The following TENM3 variants were observed in gnomAD, a reference collection of about 807,000 sequenced individuals.
TENM3 encodes the protein teneurin-3.
A neutral mutation model predicts 255.1 loss-of-function variants in TENM3; 63 were observed. That is an observed-to-expected ratio of 0.25 (90% CI 0.20 to 0.30). The LOEUF is 0.30. TENM3 is among the 10% of genes least tolerant of loss of function. The pLI is 1.00. For synonymous variants in TENM3, 1,306 were observed against 1,322.3 expected (o/e 0.99, Z 0.27); for missense variants, 2,929 against 3,461.1 (o/e 0.85, Z 3.86).
the TENM3 span, among the ~76,000 whole-genome samples, chr4:181,723,422 A>C: frequency 0.049 from 7,373 of 151,376 alleles, 251 homozygotes; most frequent in Middle Eastern, 0.15. Context: ...GGTAGAGCAC[A>C]TTTCCCAGTA....
chr4:182,236,931 A>G (rs903059316), intron 1 of TENM3, among the ~76,000 whole-genome samples: 3 of 152,190 alleles, frequency 2.0e-5, no homozygotes, highest in African/African-American at 7.2e-5. Flanking sequence ...TGCTGCACCT[A>G]TCAAGCCATC....
At chr4:182,007,520 G>GT in the TENM3 span, among the ~76,000 whole-genome samples, 1 of 152,056 alleles carries the variant, frequency 6.6e-6, no homozygotes, top group Non-Finnish European at 1.5e-5. Flanking sequence ...TTTAAAGTCT[G>GT]TTTTTTCAGG....
At chr4:182,137,944 AAG>A in the TENM3 span, among the ~76,000 whole-genome samples, 1 of 152,218 alleles carries the variant, frequency 6.6e-6, no homozygotes, top group Non-Finnish European at 1.5e-5. Flanking sequence ...TCCCTAAATG[AAG>A]AATAGTAAAT....
chr4:181,970,340 G>A, the TENM3 span, among the ~76,000 whole-genome samples: 1 of 152,118 alleles, frequency 6.6e-6, no homozygotes, highest in Non-Finnish European at 1.5e-5. Flanking sequence ...TTATTAAAAG[G>A]CTACAGAGCA....
intron 1 of TENM3, among the ~76,000 whole-genome samples, chr4:182,254,204 C>T (rs1280651650): frequency 7.9e-5 from 12 of 152,134 alleles, no homozygotes; most frequent in Admixed American, 6.6e-4. Context: ...CAAAGGATCA[C>T]GCAGGCTGGA....
chr4:182,112,935 T>A, the TENM3 span, among the ~76,000 whole-genome samples: 1 of 152,246 alleles, frequency 6.6e-6, no homozygotes, highest in Non-Finnish European at 1.5e-5. Context: ...ACAGTCTGGA[T>A]GACATGCTTG....
chr4:182,222,756 G>A (rs1023331192), intron 1 of TENM3, among the ~76,000 whole-genome samples: 4 of 152,002 alleles, frequency 2.6e-5, no homozygotes, highest in Admixed American at 2.0e-4. Flanking sequence ...TTTTTTATTA[G>A]TACATTTTAA....
chr4:181,689,027 A>T, the TENM3 span, among the ~76,000 whole-genome samples: 1 of 152,102 alleles, frequency 6.6e-6, no homozygotes, highest in Non-Finnish European at 1.5e-5. Context: ...ACATACATAC[A>T]CTTTATCTTT....
At chr4:182,324,359 A>G in intron 2 of TENM3, 107 bp downstream of exon 2, 1 of 807,904 alleles carries the variant, frequency 1.2e-6, no homozygotes, top group Admixed American at 2.0e-5. Context: ...TTGGCGTTCC[A>G]TCTGCTGATT....
At chr4:181,729,251 T>G in the TENM3 span, among the ~76,000 whole-genome samples, 1 of 152,214 alleles carries the variant, frequency 6.6e-6, no homozygotes, top group African/African-American at 2.4e-5. Context: ...TGGTGATATT[T>G]GATCTGGGCC....
At chr4:181,967,219 C>T in the TENM3 span, among the ~76,000 whole-genome samples, 7 of 152,084 alleles carry the variant, frequency 4.6e-5, no homozygotes, top group Admixed American at 2.0e-4. Flanking sequence ...ATACATGGGG[C>T]GCAGGTTTTG....
the TENM3 span, among the ~76,000 whole-genome samples, chr4:181,459,720 G>A: frequency 6.6e-6 from 1 of 151,842 alleles, no homozygotes; most frequent in Non-Finnish European, 1.5e-5. Flanking sequence ...CATCACCATA[G>A]TTTTATAGTA....
the TENM3 span, among the ~76,000 whole-genome samples, chr4:181,899,561 G>A: frequency 6.8e-3 from 1,023 of 151,466 alleles, 8 homozygotes; most frequent in African/African-American, 0.023. Flanking sequence ...GTTTTGTTTT[G>A]TTTTTTGTTT....
At chr4:182,290,731 C>A (rs1761065382) in intron 1 of TENM3, among the ~76,000 whole-genome samples, 1 of 151,930 alleles carries the variant, frequency 6.6e-6, no homozygotes, top group Non-Finnish European at 1.5e-5. Context: ...TCTCGATCTC[C>A]TGACCTCGTG....
chr4:182,033,301 C>T, the TENM3 span, among the ~76,000 whole-genome samples: 2 of 152,070 alleles, frequency 1.3e-5, no homozygotes, highest in Non-Finnish European at 1.5e-5. Flanking sequence ...TTGCTATTTA[C>T]CCAGGAGCCA....
chr4:182,140,981 T>TAA (rs1749362820), upstream of TENM3, among the ~76,000 whole-genome samples: 1 of 143,736 alleles, frequency 7.0e-6, no homozygotes, highest in Non-Finnish European at 1.5e-5. Context: ...GTTCGGCCCA[T>TAA]TATATCCCTC....
upstream of TENM3, among the ~76,000 whole-genome samples, chr4:182,140,997 C>T (rs982939146): frequency 6.8e-6 from 1 of 147,368 alleles, no homozygotes; most frequent in Non-Finnish European, 1.5e-5. Flanking sequence ...CCCTCCCCCC[C>T]GCCCCCCAGC....
At chr4:181,662,939 A>C in the TENM3 span, among the ~76,000 whole-genome samples, 1 of 152,160 alleles carries the variant, frequency 6.6e-6, no homozygotes, top group South Asian at 2.1e-4. Flanking sequence ...TAAAGATAAA[A>C]GATAAGGATA....
intron 3 of TENM3, among the ~76,000 whole-genome samples, chr4:182,467,436 A>G (rs1580654666): frequency 6.6e-6 from 1 of 152,222 alleles, no homozygotes; most frequent in South Asian, 2.1e-4. Flanking sequence ...TACATAAAGC[A>G]TATTTTGATA....
Sources: gnomAD v4.1 joint callset for allele counts (sites outside exome capture counted in the v4.1 genomes callset) on GRCh38, gnomAD v4.1.1 for gene constraint, MANE v1.5 for transcripts, NCBI Gene and HGNC (gene_info 2026-07-23, HGNC 2026-07-21) for gene names.